The following CCSER1 variants were observed in gnomAD, a reference collection of about 807,000 sequenced individuals.
The protein encoded by CCSER1 is serine-rich coiled-coil domain-containing protein 1.
In CCSER1, 41 loss-of-function variants were observed where a neutral mutation model predicts 82.0. The ratio of observed to expected loss-of-function variants is 0.50; its 90% CI spans 0.39 to 0.65. CCSER1 has a LOEUF of 0.65. Ranked by LOEUF, CCSER1 falls within the 30% of genes least tolerant of loss-of-function variation. The pLI is 0.00. For missense variants in CCSER1, 1,119 were observed against 1,064.2 expected (o/e 1.05, Z -0.72); for synonymous variants, 414 against 383.9 (o/e 1.08, Z -0.92).
At chr4:91,474,812 T>TACAC (rs67642697) in intron 10 of CCSER1, among the ~76,000 whole-genome samples, 5 of 66,106 alleles carry the variant, frequency 7.6e-5, no homozygotes, top group East Asian at 2.3e-3. Context: ...TATATATATA[T>TACAC]ACACACACAC....
intron 10 of CCSER1, among the ~76,000 whole-genome samples, chr4:91,594,831 G>T (rs1266216873): frequency 6.6e-6 from 1 of 151,952 alleles, no homozygotes; most frequent in Non-Finnish European, 1.5e-5. Flanking sequence ...TTGGCTTCAG[G>T]TTCAGTGTTC....
rs568181753 is a variant in CCSER1, at chr4:90,856,170, T to C, written c.2094+40325T>C. Among the ~76,000 whole-genome samples the C allele has an allele frequency of 4.8e-3, 724 of 152,278 alleles. 7 individuals carry two copies. The highest frequency in any genetic ancestry group is 0.016 in the African/African-American group (683 of 41,558). On this transcript the variant is annotated intron_variant, in intron 8 of 10. Coordinates refer to ENST00000509176, the MANE Select transcript of CCSER1 (RefSeq NM_001145065.2). ...AATGCTAATTATAAATGACAGCTTC[T>C]TGCTGATTGGGCTCAACACATGAGT...
intron 1 of CCSER1, among the ~76,000 whole-genome samples, chr4:90,277,228 C>A (rs1434821402): frequency 2.0e-5 from 3 of 152,102 alleles, no homozygotes; most frequent in African/African-American, 7.2e-5. Flanking sequence ...TTAAAATGGT[C>A]ATACTGCCCA....
chr4:91,381,242 G>A (rs1200874613), intron 10 of CCSER1, among the ~76,000 whole-genome samples: 5 of 151,920 alleles, frequency 3.3e-5, no homozygotes, highest in Non-Finnish European at 7.4e-5. Context: ...TGCTCTTCTC[G>A]AGGAGTATCT....
At chr4:90,141,639 C>G (rs1724815121) in intron 1 of CCSER1, among the ~76,000 whole-genome samples, 1 of 152,180 alleles carries the variant, frequency 6.6e-6, no homozygotes, top group Non-Finnish European at 1.5e-5. Flanking sequence ...TTGTTAACAA[C>G]TCTAGTGGAA....
At chr4:90,944,408 C>A (rs953793292) in intron 9 of CCSER1, among the ~76,000 whole-genome samples, 7 of 152,064 alleles carry the variant, frequency 4.6e-5, no homozygotes, top group African/African-American at 1.7e-4. Flanking sequence ...TTATTCATTT[C>A]ACTTAAGGAA....
chr4:90,468,919 GC>G (rs1199393333), intron 5 of CCSER1, among the ~76,000 whole-genome samples: 1 of 151,858 alleles, frequency 6.6e-6, no homozygotes, highest in Non-Finnish European at 1.5e-5. Context: ...GACTAAAGAG[GC>G]TTAAGTTCAT....
At chr4:90,536,633 G>A (rs1178305051) in intron 5 of CCSER1, among the ~76,000 whole-genome samples, 1 of 152,136 alleles carries the variant, frequency 6.6e-6, no homozygotes, top group Non-Finnish European at 1.5e-5. Context: ...ATGACTTAAT[G>A]GCAAGTACAT....
intron 10 of CCSER1, among the ~76,000 whole-genome samples, chr4:91,464,275 G>A (rs532386815): frequency 2.6e-5 from 4 of 152,114 alleles, no homozygotes; most frequent in Admixed American, 1.3e-4. Flanking sequence ...TGAAGGAGAA[G>A]TAAAATCCTT....
chr4:90,425,923 T>TA lies in CCSER1; in HGVS notation c.1603+25804dup, dbSNP rs369805175. Among the ~76,000 whole-genome samples the TA allele has an allele frequency of 4.4e-3, 645 of 148,138 alleles. 4 individuals carry two copies. Among genetic ancestry groups the TA allele is most frequent in the African/African-American group, 0.012 (499 of 40,606 alleles). On this transcript the variant is annotated intron_variant, in intron 4 of 10. Transcript: ENST00000509176. Reference sequence around the variant, plus strand: ...GTCTAATGGAAGATTCTATTTTTTTTAAAAAAAAAACGTTAATGAAGAAAA... The same window carrying TA: ...GTCTAATGGAAGATTCTATTTTTTTTAAAAAAAAAAACGTTAATGAAGAAAA...
chr4:91,130,517 A>T (rs1328921760), intron 10 of CCSER1, among the ~76,000 whole-genome samples: 1 of 151,748 alleles, frequency 6.6e-6, no homozygotes, highest in Non-Finnish European at 1.5e-5. Context: ...CTCCTTCTTC[A>T]TCCTCATGGT....
intron 6 of CCSER1, among the ~76,000 whole-genome samples, chr4:90,687,021 A>G (rs1055145624): frequency 1.3e-5 from 2 of 152,118 alleles, no homozygotes; most frequent in Non-Finnish European, 2.9e-5. Context: ...CCCCACTGTA[A>G]TTTTCTTACC....
intron 8 of CCSER1, among the ~76,000 whole-genome samples, chr4:90,861,783 G>T (rs1336114318): frequency 6.6e-6 from 1 of 151,430 alleles, no homozygotes; most frequent in Non-Finnish European, 1.5e-5. Flanking sequence ...CTGTGAGATA[G>T]GGCATCAGCC....
intron 1 of CCSER1, among the ~76,000 whole-genome samples, chr4:90,165,255 T>C (rs1022883506): frequency 9.9e-5 from 15 of 152,226 alleles, no homozygotes; most frequent in African/African-American, 3.4e-4. Context: ...AAGGACTGTG[T>C]GCTTTAAATA....
chr4:90,303,151 T>C (rs917870815), intron 1 of CCSER1, among the ~76,000 whole-genome samples: 3 of 152,212 alleles, frequency 2.0e-5, no homozygotes, highest in African/African-American at 7.2e-5. Context: ...ATGATGTTTT[T>C]ACTTAAAGAA....
chr4:91,407,830 C>A (rs185818299), intron 10 of CCSER1, among the ~76,000 whole-genome samples: 1 of 152,106 alleles, frequency 6.6e-6, no homozygotes, highest in African/African-American at 2.4e-5. Flanking sequence ...TCCCAGGAGG[C>A]GCCACTTCCA....
Position 90,309,468 on chromosome 4 carries a change from G to A in CCSER1, c.1184G>A (p.Gly395Glu), listed in dbSNP as rs762783023. 1.9e-6 allele frequency: 3 copies of A among 1,613,718 alleles called. No homozygotes were observed. The highest frequency in any genetic ancestry group is 1.3e-5 in the African/African-American group (1 of 74,914). The change falls in exon 2 of 11, where the codon GGA becomes GAA. Residue 395 changes from glycine to glutamate, a missense_variant. Physicochemically the swap from Gly to Glu is moderately conservative, Grantham distance 98 (BLOSUM62 -2). Coordinates refer to ENST00000509176, the MANE Select transcript of CCSER1 (RefSeq NM_001145065.2). ...MLGTNSPRKL[G>E]FYEQHKAIAE... is the part of the protein sequence containing the mutation. ...GGGACAAACTCCCCAAGGAAACTTG[G>A]ATTTTATGAGCAACATAAAGCAATA...
chr4:90,899,751 G>C (rs1724315117), intron 8 of CCSER1, among the ~76,000 whole-genome samples: 1 of 151,918 alleles, frequency 6.6e-6, no homozygotes, highest in Non-Finnish European at 1.5e-5. Flanking sequence ...AAATCACGAT[G>C]ATTGATTTGC....
At chr4:91,103,605 C>T (rs766365728) in intron 10 of CCSER1, among the ~76,000 whole-genome samples, 6 of 152,096 alleles carry the variant, frequency 3.9e-5, no homozygotes, top group African/African-American at 9.7e-5. Flanking sequence ...ATTTCATGGA[C>T]GTTTATCAGT....
Sources: gnomAD v4.1 joint callset for allele counts (sites outside exome capture counted in the v4.1 genomes callset) on GRCh38, gnomAD v4.1.1 for gene constraint, MANE v1.5 for transcripts, NCBI Gene and HGNC (gene_info 2026-07-23, HGNC 2026-07-21) for gene names.